Variants in ITGA8 observed in about 807,000 individuals in gnomAD.
ITGA8 encodes the protein integrin alpha-8.
ITGA8 carries 91 observed loss-of-function variants against 142.3 expected under a neutral mutation model. That is an observed-to-expected ratio of 0.64 (90% confidence interval 0.54 to 0.76). The LOEUF (loss-of-function observed/expected upper bound fraction) is 0.76. ITGA8 is among the 30% of genes least tolerant of loss of function. The probability of loss-of-function intolerance (pLI) is 0.00; values close to 1 mark genes in which losing one functional copy is unlikely to be tolerated. For missense variants in ITGA8, 1,406 were observed against 1,327.7 expected, an observed-to-expected ratio of 1.06 and a Z score of -0.92; for synonymous variants, 505 against 485.2, an observed-to-expected ratio of 1.04 and a Z score of -0.54.
At chr10:15,609,665 G>T (rs1411869318) in intron 15 of ITGA8, among the ~76,000 whole-genome samples, 1 of 152,136 alleles carries the variant, frequency 6.6e-6, no homozygotes, top group Non-Finnish European at 1.5e-5. Context: ...TTTCAATTTT[G>T]TAGTAAGCCT....
chr10:15,662,645 T>C (rs1299632490), intron 8 of ITGA8, among the ~76,000 whole-genome samples: 1 of 151,914 alleles, frequency 6.6e-6, no homozygotes, highest in Non-Finnish European at 1.5e-5. Context: ...GGCCAGAAGG[T>C]TTTTAATAAT....
At chr10:15,675,887 G>C (rs1213949033) in intron 6 of ITGA8, among the ~76,000 whole-genome samples, 1 of 152,128 alleles carries the variant, frequency 6.6e-6, no homozygotes, top group Non-Finnish European at 1.5e-5. Context: ...TCAGACAAAT[G>C]CTTGTATATG....
At chr10:15,651,477 G>A (rs1364497298) in intron 11 of ITGA8, among the ~76,000 whole-genome samples, 1 of 150,460 alleles carries the variant, frequency 6.6e-6, no homozygotes, top group Non-Finnish European at 1.5e-5. Flanking sequence ...TTTCTTAACA[G>A]AAAAATATCA....
chr10:15,605,824 T>C (rs369757228), intron 18 of ITGA8, 33 bp from the exon 19 acceptor site: 2 of 1,587,656 alleles, frequency 1.3e-6, no homozygotes, highest in East Asian at 2.2e-5. Context: ...AGGAACAATC[T>C]AGGAAAATCT....
At chr10:15,672,875 C>T (rs1352303842) in intron 6 of ITGA8, 126 bp from the exon 7 acceptor site, 7 of 1,053,878 alleles carry the variant, frequency 6.6e-6, no homozygotes, top group Middle Eastern at 2.2e-4. Flanking sequence ...ATTTTCCCGC[C>T]TGCCGCTCAA....
chr10:15,638,216 A>G (rs956446412), intron 13 of ITGA8, among the ~76,000 whole-genome samples: 1 of 152,080 alleles, frequency 6.6e-6, no homozygotes, highest in Non-Finnish European at 1.5e-5. Context: ...CACCTCTTAT[A>G]TGTCTGTGTT....
chr10:15,694,314 CATATATATGATAAT>C (rs1180896724), intron 2 of ITGA8, among the ~76,000 whole-genome samples: 2 of 94,724 alleles, frequency 2.1e-5, no homozygotes, highest in African/African-American at 7.9e-5. Context: ...GATAATATAT[CATATATATGATAAT>C]ATATCATATA....
chr10:15,543,089 A>G (rs952314827), intron 27 of ITGA8, among the ~76,000 whole-genome samples: 2 of 152,186 alleles, frequency 1.3e-5, no homozygotes, highest in African/African-American at 2.4e-5. Flanking sequence ...TGAGCTACCT[A>G]TAGAATCAGT....
intron 13 of ITGA8, among the ~76,000 whole-genome samples, chr10:15,619,652 AC>A (rs1554778597): frequency 6.6e-6 from 1 of 152,210 alleles, no homozygotes; most frequent in Non-Finnish European, 1.5e-5. Context: ...CAATTTTTCA[AC>A]TATGTTTACA....
chr10:15,586,721 T>C, intron 22 of ITGA8, 57 bp from the exon 23 acceptor site: 2 of 1,007,900 alleles, frequency 2.0e-6, no homozygotes, highest in Non-Finnish European at 3.2e-6. Context: ...TATTACAATA[T>C]ATGATCATAA....
intron 13 of ITGA8, among the ~76,000 whole-genome samples, chr10:15,642,727 G>T (rs1035347609): frequency 6.6e-6 from 1 of 152,270 alleles, no homozygotes; most frequent in East Asian, 1.9e-4. Flanking sequence ...CCACTATGAC[G>T]TCTCCATTAG....
intron 24 of ITGA8, 30 bp from the exon 25 acceptor site, chr10:15,572,399 C>T: frequency 6.2e-7 from 1 of 1,606,248 alleles, no homozygotes; most frequent in Non-Finnish European, 8.5e-7. Flanking sequence ...TATCTAATGA[C>T]CCAGCAGAAG....
At chr10:15,589,390 T>C (rs1449591341) in intron 22 of ITGA8, among the ~76,000 whole-genome samples, 2 of 152,120 alleles carry the variant, frequency 1.3e-5, no homozygotes, top group Non-Finnish European at 2.9e-5. Flanking sequence ...CTGAGACCCG[T>C]TGTACACAGG....
At chr10:15,519,838 G>A (rs1439624167) in intron 28 of ITGA8, among the ~76,000 whole-genome samples, 4 of 152,266 alleles carry the variant, frequency 2.6e-5, no homozygotes, top group South Asian at 4.1e-4. Flanking sequence ...GTAAGCTTGT[G>A]AACAACCATG....
At chr10:15,547,545 C>A (rs1372818899) in intron 27 of ITGA8, among the ~76,000 whole-genome samples, 1 of 152,186 alleles carries the variant, frequency 6.6e-6, no homozygotes, top group African/African-American at 2.4e-5. Context: ...GCACTCCAGG[C>A]TGGGTAACAG....
rs879357089 is a variant in ITGA8 at position 15,623,635 on chromosome 10, G to A, written c.1400-7076C>T. Reference sequence around the variant, plus strand: ...CAGGAGATGGAGGTTGCAGTGAGCCGAGACTGCAGCACTGCACTCCAGCCA... The same window carrying A: ...CAGGAGATGGAGGTTGCAGTGAGCCAAGACTGCAGCACTGCACTCCAGCCA... On this transcript the variant is annotated intron_variant, in intron 13 of 29. Transcript: ENST00000378076. Among the ~76,000 whole-genome samples, 30 of 152,262 alleles carry A rather than the reference G, an allele frequency of 2.0e-4. 1 individual carries two copies. Among genetic ancestry groups the A allele is most frequent in the Admixed American group, 1.6e-3 (25 of 15,286 alleles).
intron 28 of ITGA8, among the ~76,000 whole-genome samples, chr10:15,526,077 A>G (rs1317569027): frequency 1.3e-5 from 2 of 152,234 alleles, no homozygotes; most frequent in Admixed American, 1.3e-4. Context: ...CAGTTCCACT[A>G]GCCAAATAGC....
chr10:15,605,460 T>A (rs376106905), intron 19 of ITGA8, among the ~76,000 whole-genome samples: 6 of 144,322 alleles, frequency 4.2e-5, no homozygotes, highest in African/African-American at 1.5e-4. Context: ...CATCAATGAG[T>A]TTACTTTCAA....
At chr10:15,702,372 C>A (rs1835180358) in intron 2 of ITGA8, among the ~76,000 whole-genome samples, 2 of 151,728 alleles carry the variant, frequency 1.3e-5, no homozygotes, top group Admixed American at 1.3e-4. Context: ...CTCACTGCAA[C>A]CTCCGCCTCC....
Sources: gnomAD v4.1 joint callset for allele counts (sites outside exome capture counted in the v4.1 genomes callset) on GRCh38, gnomAD v4.1.1 for gene constraint, MANE v1.5 for transcripts, NCBI Gene and HGNC (gene_info 2026-07-23, HGNC 2026-07-21) for gene names.